The following EIF2AK4 variants were observed in gnomAD, a reference collection of about 807,000 sequenced individuals.
EIF2AK4 encodes the protein eukaryotic translation initiation factor 2 alpha kinase 4, also known as eIF-2-alpha kinase GCN2.
Under a neutral mutation model 211.1 loss-of-function variants are expected in EIF2AK4, and 139 were observed. That is an observed-to-expected ratio of 0.66 (90% CI 0.57 to 0.76). EIF2AK4 has a LOEUF of 0.76. Ranked by LOEUF, EIF2AK4 falls within the 30% of genes least tolerant of loss-of-function variation. The pLI, the probability that EIF2AK4 is intolerant of heterozygous loss-of-function variation, is 0.00. For synonymous variants in EIF2AK4, 710 were observed against 751.3 expected (o/e 0.94, Z 0.90); for missense variants, 1,664 against 2,043.8 (o/e 0.81, Z 3.58).
intron 9 of EIF2AK4, among the ~76,000 whole-genome samples, chr15:39,970,092 C>T (rs1367009009): frequency 1.3e-5 from 2 of 152,220 alleles, no homozygotes; most frequent in African/African-American, 4.8e-5. Flanking sequence ...GTGCCTGGCA[C>T]TTGGCCCAGA....
At chr15:40,030,010 G>C (rs1333399475) in intron 34 of EIF2AK4, among the ~76,000 whole-genome samples, 2 of 152,206 alleles carry the variant, frequency 1.3e-5, no homozygotes, top group Non-Finnish European at 2.9e-5. Flanking sequence ...GTTGCCATCA[G>C]ATTTCCAATT....
chr15:39,979,296 A>G (rs1278247715), intron 13 of EIF2AK4, among the ~76,000 whole-genome samples: 1 of 152,182 alleles, frequency 6.6e-6, no homozygotes, highest in Non-Finnish European at 1.5e-5. Context: ...ACTTCAGAAA[A>G]TTAATTTAGA....
Position 39,998,838 on chromosome 15 carries a change from A to G in EIF2AK4, c.2922+54A>G, listed in dbSNP as rs575670777. On this transcript the variant is annotated intron_variant, in intron 20 of 38. Coordinates refer to ENST00000263791, the MANE Select transcript of EIF2AK4 (RefSeq NM_001013703.4). The stretch of plus-strand genomic sequence containing the variant: ...TCTTCAGTCTTGCATTTTAATTATT[A>G]TTTTTCTTCTTTTTCAATTAGTAAT... 1.7e-5 allele frequency: 24 copies of G among 1,432,564 alleles called. No homozygotes were observed. The African/African-American group carries it at 3.2e-4, about 19-fold the overall frequency. 88.7% of individuals were successfully genotyped at this position (1,432,564 alleles called of 1,614,324 possible).
chr15:39,992,981 T>A, intron 18 of EIF2AK4, 133 bp downstream of exon 18: 10 of 819,132 alleles, frequency 1.2e-5, no homozygotes, highest in Non-Finnish European at 2.0e-5. Flanking sequence ...GGACTCATGG[T>A]CCTAAGGATA....
intron 3 of EIF2AK4, among the ~76,000 whole-genome samples, chr15:39,947,519 A>G (rs963089428): frequency 3.9e-5 from 6 of 152,170 alleles, no homozygotes; most frequent in Admixed American, 1.3e-4. Flanking sequence ...TACTCAACAG[A>G]TATTTATTGT....
intron 27 of EIF2AK4, 147 bp downstream of exon 27, chr15:40,011,493 A>G (rs2035235091): frequency 4.8e-6 from 3 of 624,372 alleles, no homozygotes; most frequent in African/African-American, 3.7e-5. Flanking sequence ...GTTAGGTACC[A>G]TGGCAACCTC....
chr15:39,982,057 T>A (rs1031616370), intron 13 of EIF2AK4, among the ~76,000 whole-genome samples: 12 of 151,984 alleles, frequency 7.9e-5, no homozygotes, highest in Admixed American at 3.3e-4. Context: ...CCCGAGTAGC[T>A]GGGACTACAG....
Position 39,967,882 on chromosome 15 carries a change from G to C in EIF2AK4, c.1553+3G>C. 6.2e-7 allele frequency: 1 copy of C among 1,613,020 alleles called. No individual in the cohort carries two copies. Among genetic ancestry groups the C allele is most frequent in the Non-Finnish European group, 8.5e-7 (1 of 1,179,222 alleles). The stretch of plus-strand genomic sequence containing the variant: ...GACTTTCAAGATTTTCTAAAGAAGT[G>C]AGTATCACTGAGATTCTCTCTAATA... On this transcript the variant is annotated splice_donor_region_variant and intron_variant, in intron 9 of 38. Coordinates refer to ENST00000263791, the MANE Select transcript of EIF2AK4 (RefSeq NM_001013703.4).
Position 40,017,551 on chromosome 15 carries a change from A to ATATATATATG in EIF2AK4, c.4065+312_4065+313insATATATGTAT, listed in dbSNP as rs71132134. 1.4e-3 allele frequency among the ~76,000 whole-genome samples: 121 copies of ATATATATATG among 86,730 alleles called. 1 individual carries two copies. The highest frequency in any genetic ancestry group is 2.0e-3 in the Non-Finnish European group (86 of 43,280). 56.9% of individuals were successfully genotyped at this position (86,730 alleles called of 152,430 possible). On this transcript the variant is annotated intron_variant, in intron 29 of 38. Transcript: ENST00000263791. ...TATATATATATATATATATATATAT[A>ATATATATATG]TATGTATTTTGGAGACAGGGCCTTG...
In EIF2AK4 at chr15:40,035,154, A is replaced by T. The variant is rs1335806501; in HGVS notation, c.*70A>T. 4 of 1,165,326 alleles carry T rather than the reference A, an allele frequency of 3.4e-6. No individual in the cohort carries two copies. Among genetic ancestry groups the T allele is most frequent in the African/African-American group, 1.6e-5 (1 of 63,514 alleles). 72.2% of individuals were successfully genotyped at this position (1,165,326 alleles called of 1,614,324 possible). On this transcript the variant is annotated 3_prime_UTR_variant, in exon 39 of 39. Transcript: ENST00000263791. ...ATACTGGAATAATGGAATGTTGTAC[A>T]TTCATCATAATTTAAAATTAAATTC...
Position 40,008,095 on chromosome 15 carries a change from G to A in EIF2AK4, c.3476G>A (p.Cys1159Tyr), listed in dbSNP as rs770729036. Reference sequence around the variant, plus strand: ...TTTCATCCCAAAGAACTTCTGGAGTGTGCATTTGATATTGTCACTTCTACC... The same window carrying A: ...TTTCATCCCAAAGAACTTCTGGAGTATGCATTTGATATTGTCACTTCTACC... ...DRFHPKELLE[C>Y]AFDIVTSTTN... The change falls in exon 25 of 39, where the codon TGT becomes TAT. Residue 1159 changes from cysteine to tyrosine, a missense_variant. Coordinates refer to ENST00000263791, the MANE Select transcript of EIF2AK4 (RefSeq NM_001013703.4). 6.2e-7 allele frequency: 1 copy of A among 1,613,108 alleles called. No homozygotes were observed. The highest frequency in any genetic ancestry group is 8.5e-7 in the Non-Finnish European group (1 of 1,179,590).
intron 6 of EIF2AK4, among the ~76,000 whole-genome samples, chr15:39,960,130 C>T (rs1207255237): frequency 6.8e-6 from 1 of 147,168 alleles, no homozygotes; most frequent in African/African-American, 2.5e-5. Flanking sequence ...CGCCACTGCA[C>T]TCCAGCCTGG....
At chr15:39,977,021 GC>G in intron 12 of EIF2AK4, 177 bp downstream of exon 12, 1 of 722,800 alleles carries the variant, frequency 1.4e-6, no homozygotes. Flanking sequence ...CGCGTCCTTG[GC>G]TGCAACATCC....
At chr15:40,033,098 T>A (rs1043533939) in intron 37 of EIF2AK4, among the ~76,000 whole-genome samples, 1 of 152,226 alleles carries the variant, frequency 6.6e-6, no homozygotes, top group Non-Finnish European at 1.5e-5. Flanking sequence ...GGCCTTGTTG[T>A]AAGCATTTTA....
chr15:39,993,193 C>T (rs143034895), intron 18 of EIF2AK4, among the ~76,000 whole-genome samples: 2,318 of 151,630 alleles, frequency 0.015, 35 homozygotes, highest in Admixed American at 0.031. Context: ...CTCGTCCATC[C>T]GTCCGTCCGT....
intron 30 of EIF2AK4, among the ~76,000 whole-genome samples, chr15:40,020,165 CAAAAAAA>C (rs34522012): frequency 3.8e-4 from 50 of 132,366 alleles, no homozygotes; most frequent in African/African-American, 3.1e-4. Flanking sequence ...CAGACCCTGT[CAAAAAAA>C]AAAAAAGAAA....
At chr15:39,937,579 C>G (rs780607894) in intron 1 of EIF2AK4, among the ~76,000 whole-genome samples, 24 of 152,066 alleles carry the variant, frequency 1.6e-4, no homozygotes, top group Non-Finnish European at 3.4e-4. Context: ...GTCAAAATGA[C>G]CTTTTTTTTC....
At chr15:40,003,043 A>G in intron 22 of EIF2AK4, 150 bp from the exon 23 acceptor site, 3 of 1,205,858 alleles carry the variant, frequency 2.5e-6, no homozygotes, top group Admixed American at 2.6e-5. Context: ...TGAGCTCTCT[A>G]TTTATAAATT....
intron 7 of EIF2AK4, 55 bp from the exon 8 acceptor site, chr15:39,965,631 C>A: frequency 1.3e-6 from 2 of 1,596,306 alleles, no homozygotes; most frequent in Non-Finnish European, 1.7e-6. Context: ...CCCTTCCTTC[C>A]CCCAAGAGAA....
Sources: gnomAD v4.1 joint callset for allele counts (sites outside exome capture counted in the v4.1 genomes callset) on GRCh38, gnomAD v4.1.1 for gene constraint, MANE v1.5 for transcripts, NCBI Gene and HGNC (gene_info 2026-07-23, HGNC 2026-07-21) for gene names.